CADM2: variants seen among roughly 807,000 people sequenced by gnomAD.
CADM2 encodes the protein immunoglobulin superfamily member 4D.
Under a neutral mutation model 49.8 loss-of-function variants are expected in CADM2, and 12 were observed. The ratio of observed to expected loss-of-function variants is 0.24; its 90% CI spans 0.15 to 0.39. The LOEUF (loss-of-function observed/expected upper bound fraction) is 0.39. Among genes scored for constraint, CADM2 ranks in the 10% least tolerant of loss-of-function variants. The pLI, the probability that CADM2 is intolerant of heterozygous loss-of-function variation, is 1.00. For synonymous variants in CADM2, 214 were observed against 175.4 expected (o/e 1.22, Z -1.74); for missense variants, 378 against 492.3 (o/e 0.77, Z 2.20).
chr3:85,187,598 A>C (rs1663786512), intron 1 of CADM2, among the ~76,000 whole-genome samples: 2 of 152,126 alleles, frequency 1.3e-5, no homozygotes, highest in African/African-American at 4.8e-5. Flanking sequence ...GGCCTGAAAG[A>C]GCCAAGGTAA....
intron 3 of CADM2, among the ~76,000 whole-genome samples, chr3:85,823,665 T>G (rs2108197168): frequency 6.6e-6 from 1 of 152,302 alleles, no homozygotes; most frequent in Non-Finnish European, 1.5e-5. Flanking sequence ...CACAGACATT[T>G]AATTTACGAG....
At chr3:85,987,334 A>C (rs187589374) in intron 8 of CADM2, among the ~76,000 whole-genome samples, 1 of 151,870 alleles carries the variant, frequency 6.6e-6, no homozygotes, top group Non-Finnish European at 1.5e-5. Context: ...GCTTCCATCA[A>C]TTTAAACAGA....
chr3:85,593,422 CAG>C (rs1331290856), intron 1 of CADM2, among the ~76,000 whole-genome samples: 1 of 151,908 alleles, frequency 6.6e-6, no homozygotes. Flanking sequence ...ATAAAATGAA[CAG>C]AGTGTATCAG....
chr3:85,477,243 A>AACACACACACACAC (rs139955724), intron 1 of CADM2, among the ~76,000 whole-genome samples: 359 of 144,846 alleles, frequency 2.5e-3, no homozygotes, highest in South Asian at 6.0e-3. Flanking sequence ...GATTCCCTTA[A>AACACACACACACAC]ACACACACAC....
At chr3:85,166,597 A>T (rs2040475787) in intron 1 of CADM2, among the ~76,000 whole-genome samples, 1 of 151,950 alleles carries the variant, frequency 6.6e-6, no homozygotes, top group Non-Finnish European at 1.5e-5. Context: ...AATAATTATA[A>T]TTAATGCATA....
intron 1 of CADM2, among the ~76,000 whole-genome samples, chr3:85,588,708 T>C (rs2063014719): frequency 6.6e-6 from 1 of 152,004 alleles, no homozygotes; most frequent in Non-Finnish European, 1.5e-5. Flanking sequence ...GTAGCAACAG[T>C]ATGCTAGGGG....
At chr3:85,250,822 T>A (rs1172754878) in intron 1 of CADM2, among the ~76,000 whole-genome samples, 1 of 151,768 alleles carries the variant, frequency 6.6e-6, no homozygotes, top group Non-Finnish European at 1.5e-5. Flanking sequence ...TTTCTACATT[T>A]AATCATTGTA....
chr3:85,647,046 G>A (rs1445819437), intron 1 of CADM2, among the ~76,000 whole-genome samples: 1 of 151,628 alleles, frequency 6.6e-6, no homozygotes, highest in Non-Finnish European at 1.5e-5. Context: ...TGTAATCTTA[G>A]GCATTTTAAC....
At chr3:85,463,318 G>C (rs2038338362) in intron 1 of CADM2, among the ~76,000 whole-genome samples, 1 of 152,080 alleles carries the variant, frequency 6.6e-6, no homozygotes, top group Non-Finnish European at 1.5e-5. Context: ...TTCTCTCTAA[G>C]GGGCTCTTCT....
intron 1 of CADM2, among the ~76,000 whole-genome samples, chr3:85,401,282 T>C (rs1472132313): frequency 6.6e-6 from 1 of 152,304 alleles, no homozygotes; most frequent in East Asian, 1.9e-4. Flanking sequence ...GAGTCACTCA[T>C]GGCAGTGTCT....
At chr3:85,041,221 G>T (rs1267880149) in intron 1 of CADM2, among the ~76,000 whole-genome samples, 1 of 151,840 alleles carries the variant, frequency 6.6e-6, no homozygotes, top group Non-Finnish European at 1.5e-5. Context: ...ACGCCAAGTT[G>T]CTTAGCAACT....
intron 2 of CADM2, among the ~76,000 whole-genome samples, chr3:85,748,678 AG>A (rs900787153): frequency 6.6e-6 from 1 of 152,058 alleles, no homozygotes; most frequent in Non-Finnish European, 1.5e-5. Context: ...AATCCCATTT[AG>A]GGGGGTTTCC....
chr3:86,035,562 A>G (rs772545040), intron 8 of CADM2, among the ~76,000 whole-genome samples: 6 of 151,978 alleles, frequency 3.9e-5, no homozygotes, highest in Non-Finnish European at 7.4e-5. Flanking sequence ...TTTGAAAAAT[A>G]TTTTTTCTAA....
At chr3:85,850,738 TC>T (rs1181509445) in intron 3 of CADM2, among the ~76,000 whole-genome samples, 1 of 152,196 alleles carries the variant, frequency 6.6e-6, no homozygotes, top group Non-Finnish European at 1.5e-5. Flanking sequence ...TGCATAAAGT[TC>T]TTACTGTTGC....
At chr3:85,175,226 A>G (rs1279277458) in intron 1 of CADM2, among the ~76,000 whole-genome samples, 2 of 152,214 alleles carry the variant, frequency 1.3e-5, no homozygotes, top group African/African-American at 4.8e-5. Flanking sequence ...ATTTCAAACA[A>G]TTAAACATAA....
At position 85,796,745 on chromosome 3, in the gene CADM2, C is replaced by T. The variant is rs189937576; in HGVS notation, c.89-5302C>T. Among the ~76,000 whole-genome samples, 108 of 152,060 alleles carry T rather than the reference C, an allele frequency of 7.1e-4. 2 individuals carry two copies. Among genetic ancestry groups the T allele is most frequent in the East Asian group, 4.8e-3 (25 of 5,166 alleles). On this transcript the variant is annotated intron_variant, in intron 2 of 9. Transcript: ENST00000383699. The stretch of plus-strand genomic sequence containing the variant: ...ATTTTTTTTTCCAGTGGGGGAACAG[C>T]GCTTATCAAGCATTTTATTTATTGA...
intron 2 of CADM2, among the ~76,000 whole-genome samples, chr3:85,785,738 T>C (rs1338255075): frequency 6.6e-6 from 1 of 152,096 alleles, no homozygotes; most frequent in Non-Finnish European, 1.5e-5. Flanking sequence ...GAAGCTTCCA[T>C]CTTTGGAGTC....
At chr3:85,111,154 T>C (rs1047586946) in intron 1 of CADM2, among the ~76,000 whole-genome samples, 21 of 151,924 alleles carry the variant, frequency 1.4e-4, no homozygotes, top group Non-Finnish European at 3.1e-4. Context: ...CTTGTTAATA[T>C]TTCAAATCAT....
chr3:85,729,566 C>A (rs542970777), intron 2 of CADM2, among the ~76,000 whole-genome samples: 4 of 152,094 alleles, frequency 2.6e-5, no homozygotes, highest in African/African-American at 9.7e-5. Context: ...TTACTCTTCA[C>A]GCGTAAATTT....
Sources: gnomAD v4.1 joint callset for allele counts (sites outside exome capture counted in the v4.1 genomes callset) on GRCh38, gnomAD v4.1.1 for gene constraint, MANE v1.5 for transcripts, NCBI Gene and HGNC (gene_info 2026-07-23, HGNC 2026-07-21) for gene names.